Variants in TMEM9 observed in about 807,000 individuals in gnomAD.
TMEM9 encodes the protein transmembrane protein 9, also known as proton-transporting V-type ATPase complex assembly regulator TMEM9.
Under a neutral mutation model 22.8 loss-of-function variants are expected in TMEM9, and 13 were observed. That is an observed-to-expected ratio of 0.57 (90% CI 0.37 to 0.91). TMEM9 has a LOEUF of 0.91. Among genes scored for constraint, TMEM9 ranks in the 40% least tolerant of loss-of-function variants. The pLI, the probability that TMEM9 is intolerant of heterozygous loss-of-function variation, is 0.01. For synonymous variants in TMEM9, 88 were observed against 93.0 expected (o/e 0.95, Z 0.31); for missense variants, 182 against 238.1 (o/e 0.76, Z 1.55).
At chr1:201,163,711 A>T (rs1666004530) in intron 1 of TMEM9, among the ~76,000 whole-genome samples, 1 of 152,212 alleles carries the variant, frequency 6.6e-6, no homozygotes, top group Admixed American at 6.5e-5. Flanking sequence ...AAATAAAAAA[A>T]AAATAGTGAC....
Position 201,164,852 on chromosome 1 carries a change from G to A in TMEM9, c.-37+6638C>T, listed in dbSNP as rs962658531. ...CTTTATCATAGCGTCCATGTGGCCA[G>A]TCTCAGGGAAGACTCTAATTGTCTT... On this transcript the variant is annotated intron_variant, in intron 1 of 5. Transcript: ENST00000367333. Among the ~76,000 whole-genome samples, 18 of 151,922 alleles carry A rather than the reference G, an allele frequency of 1.2e-4. 1 individual carries two copies. Among genetic ancestry groups the A allele is most frequent in the African/African-American group, 4.4e-4 (18 of 41,330 alleles).
At chr1:201,155,306 A>G (rs1298667876), upstream of TMEM9, among the ~76,000 whole-genome samples, 1 of 114,344 alleles carries the variant, frequency 8.7e-6, no homozygotes, top group Admixed American at 1.3e-4. Context: ...GATCCCCTTC[A>G]GCTTTGATAT....
chr1:201,160,621 ATTTTTT>A (rs151096062), intron 1 of TMEM9, among the ~76,000 whole-genome samples: 28,474 of 147,968 alleles, frequency 0.19, 3,005 homozygotes, highest in Non-Finnish European at 0.24. Flanking sequence ...TACTGGGGAA[ATTTTTT>A]TTTTTTTTTT....
At chr1:201,145,493 C>G (rs906104266) in intron 3 of TMEM9, 4 of 152,442 alleles carry the variant, frequency 2.6e-5, no homozygotes, top group African/African-American at 7.2e-5. Flanking sequence ...CAGCACAGGG[C>G]TCCCTGGAAT....
intron 4 of TMEM9, among the ~76,000 whole-genome samples, chr1:201,141,965 C>T (rs1572105263): frequency 6.6e-6 from 1 of 152,306 alleles, no homozygotes; most frequent in Admixed American, 6.5e-5. Context: ...AATTACTACC[C>T]CAGCCAGGAC....
At chr1:201,158,428 CT>C (rs1384721942), upstream of TMEM9, among the ~76,000 whole-genome samples, 1 of 15,112 alleles carries the variant, frequency 6.6e-5, no homozygotes, top group Non-Finnish European at 1.2e-4. Flanking sequence ...GGAGGGCATT[CT>C]GGTGGGGGGT....
At chr1:201,165,443 C>CTTTCTT (rs1553259494) in intron 1 of TMEM9, among the ~76,000 whole-genome samples, 1 of 144,072 alleles carries the variant, frequency 6.9e-6, no homozygotes, top group South Asian at 2.2e-4. Context: ...CTTTTTCTTT[C>CTTTCTT]TTTTTTTTTT....
intron 1 of TMEM9, among the ~76,000 whole-genome samples, chr1:201,170,776 C>T (rs555301867): frequency 6.6e-6 from 1 of 152,322 alleles, no homozygotes; most frequent in African/African-American, 2.4e-5. Context: ...CCTTTCAGGC[C>T]CGGGCCTCGC....
intron 2 of TMEM9, among the ~76,000 whole-genome samples, chr1:201,151,209 C>T (rs1428560867): frequency 1.3e-5 from 2 of 152,210 alleles, no homozygotes; most frequent in African/African-American, 4.8e-5. Context: ...GCTAAAACTT[C>T]CCTTCACCGC....
intron 4 of TMEM9, among the ~76,000 whole-genome samples, chr1:201,139,304 C>T (rs1049083091): frequency 6.6e-6 from 1 of 152,226 alleles, no homozygotes; most frequent in South Asian, 2.1e-4. Context: ...CTCAGCAAAG[C>T]ATGGTCCTAG....
chr1:201,144,791 G>C (rs2102248721), intron 3 of TMEM9: 1 of 152,304 alleles, frequency 6.6e-6, no homozygotes, highest in Admixed American at 6.5e-5. Flanking sequence ...TGGGGGGGCT[G>C]TAATCATCTG....
At chr1:201,149,189 C>T (rs1044154173) in intron 2 of TMEM9, among the ~76,000 whole-genome samples, 3 of 152,186 alleles carry the variant, frequency 2.0e-5, no homozygotes, top group African/African-American at 7.2e-5. Context: ...TCCAACTCTC[C>T]TGTGATTGGG....
chr1:201,141,350 G>A (rs1664507987), intron 4 of TMEM9, among the ~76,000 whole-genome samples: 1 of 152,176 alleles, frequency 6.6e-6, no homozygotes, highest in South Asian at 2.1e-4. Flanking sequence ...TGAATACACT[G>A]AGAAAAGCAG....
At chr1:201,169,001 C>T (rs1534053) in intron 1 of TMEM9, among the ~76,000 whole-genome samples, 73,489 of 145,432 alleles carry the variant, frequency 0.51, 18,819 homozygotes, top group African/African-American at 0.6. Flanking sequence ...TGGGGTCTCA[C>T]TACGTTGCCC....
intron 4 of TMEM9, among the ~76,000 whole-genome samples, chr1:201,141,619 A>G (rs548601512): frequency 6.6e-6 from 1 of 152,202 alleles, no homozygotes; most frequent in East Asian, 1.9e-4. Flanking sequence ...CATCCTGTCC[A>G]TCCCAGGGCC....
At position 201,139,341 on chromosome 1, in the gene TMEM9, T is replaced by C. The variant is rs149955418; in HGVS notation, c.400-3526A>G. ...GCAAAGCCCTTCAGCAAGAGGACTA[T>C]ACAGCCTCTCTGAGTTTTCCATGTT... is the stretch of plus-strand genomic sequence containing the variant. On this transcript the variant is annotated intron_variant, in intron 4 of 4. Transcript: ENST00000367330. 4.0e-3 allele frequency among the ~76,000 whole-genome samples: 615 copies of C among 152,340 alleles called. 5 individuals are homozygous for C. The highest frequency in any genetic ancestry group is 0.014 in the African/African-American group (589 of 41,584).
At chr1:201,143,242 A>G (rs191537322) in intron 4 of TMEM9, among the ~76,000 whole-genome samples, 27 of 152,306 alleles carry the variant, frequency 1.8e-4, no homozygotes, top group Admixed American at 1.5e-3. Flanking sequence ...TCTACTGGCC[A>G]GCTCTCTTTG....
intron 1 of TMEM9, among the ~76,000 whole-genome samples, chr1:201,171,024 T>A (rs1666199145): frequency 6.6e-6 from 1 of 152,204 alleles, no homozygotes; most frequent in East Asian, 1.9e-4. Flanking sequence ...CGACAAGGCT[T>A]GTTGTGCCCG....
intron 2 of TMEM9, among the ~76,000 whole-genome samples, chr1:201,151,470 A>G (rs1392636408): frequency 2.6e-5 from 4 of 152,238 alleles, no homozygotes; most frequent in East Asian, 1.9e-4. Flanking sequence ...ACCTTTGCCA[A>G]CTTCTCTACT....
Sources: allele counts gnomAD v4.1 joint callset (sites outside exome capture counted in the v4.1 genomes callset), GRCh38; gene constraint gnomAD v4.1.1; transcripts MANE v1.5; gene names NCBI Gene and HGNC (gene_info 2026-07-23, HGNC 2026-07-21).